The following WWOX variants were observed in gnomAD, a reference collection of about 807,000 sequenced individuals.
WWOX encodes WW domain containing oxidoreductase.
WWOX carries 69 observed loss-of-function variants against 46.2 expected under a neutral mutation model. That is an observed-to-expected ratio of 1.49 (90% CI 1.23 to 1.82). The LOEUF is 1.82. Ranked by LOEUF, WWOX falls within the 40% of genes most tolerant of loss-of-function variation. The pLI is 0.00. For synonymous variants in WWOX, 359 were observed against 202.6 expected (o/e 1.77, Z -6.56); for missense variants, 919 against 542.6 (o/e 1.69, Z -6.89).
At chr16:78,590,719 G>C (rs541320864) in intron 8 of WWOX, among the ~76,000 whole-genome samples, 1 of 152,178 alleles carries the variant, frequency 6.6e-6, no homozygotes, top group African/African-American at 2.4e-5. Context: ...CGTTGTTGAC[G>C]TGAAGGAGTT....
intron 5 of WWOX, among the ~76,000 whole-genome samples, chr16:78,376,985 G>A (rs1332823176): frequency 6.6e-6 from 1 of 152,198 alleles, no homozygotes; most frequent in African/African-American, 2.4e-5. Context: ...CTTGCGACTT[G>A]CGGCAATCAC....
At chr16:78,975,214 G>T (rs985330623) in intron 8 of WWOX, among the ~76,000 whole-genome samples, 6 of 152,160 alleles carry the variant, frequency 3.9e-5, no homozygotes, top group Admixed American at 3.9e-4. Flanking sequence ...GCCTCATCTG[G>T]TTCAAGGGTT....
chr16:78,553,865 C>T (rs1353015929), intron 8 of WWOX, among the ~76,000 whole-genome samples: 1 of 151,930 alleles, frequency 6.6e-6, no homozygotes, highest in East Asian at 1.9e-4. Context: ...GCCCGGAGAG[C>T]TTGGCTGAGG....
chr16:78,916,523 C>T (rs1284051008), intron 8 of WWOX, among the ~76,000 whole-genome samples: 1 of 152,090 alleles, frequency 6.6e-6, no homozygotes. Flanking sequence ...AGTAGAGTGA[C>T]CTTATAATTT....
intron 8 of WWOX, among the ~76,000 whole-genome samples, chr16:78,438,780 C>A (rs1325198737): frequency 3.3e-5 from 5 of 152,120 alleles, no homozygotes; most frequent in Non-Finnish European, 5.9e-5. Flanking sequence ...AGCCAGTCAT[C>A]GTGCTGAGTT....
intron 8 of WWOX, among the ~76,000 whole-genome samples, chr16:79,076,109 T>C (rs1036205263): frequency 1.3e-5 from 2 of 152,224 alleles, no homozygotes; most frequent in Non-Finnish European, 2.9e-5. Flanking sequence ...TGCCGAGATT[T>C]GTAAGAGTAA....
intron 8 of WWOX, among the ~76,000 whole-genome samples, chr16:78,611,156 G>T (rs573111978): frequency 5.3e-4 from 80 of 152,226 alleles, no homozygotes; most frequent in African/African-American, 1.8e-3. Flanking sequence ...TTATTGAAAC[G>T]ACTGAAATAG....
At chr16:78,946,437 C>G (rs2045950024) in intron 8 of WWOX, among the ~76,000 whole-genome samples, 1 of 152,274 alleles carries the variant, frequency 6.6e-6, no homozygotes, top group South Asian at 2.1e-4. Flanking sequence ...TTGATCTGCT[C>G]ACGTCGGCCT....
chr16:79,101,195 G>A (rs1274855123), intron 8 of WWOX: 3 of 152,218 alleles, frequency 2.0e-5, no homozygotes, highest in African/African-American at 7.2e-5. Flanking sequence ...CTCATGCAAA[G>A]AGAGATCTTT....
At chr16:78,915,216 C>A (rs535033004) in intron 8 of WWOX, among the ~76,000 whole-genome samples, 1 of 152,280 alleles carries the variant, frequency 6.6e-6, no homozygotes, top group African/African-American at 2.4e-5. Flanking sequence ...GATCATGATT[C>A]ATTTGGGTTG....
rs377361766 is a variant in WWOX at position 79,173,117 on chromosome 16, T to C, written c.1057-38491T>C. Among the ~76,000 whole-genome samples the C allele has an allele frequency of 3.9e-5, 6 of 152,328 alleles. No individual in the cohort carries two copies. In the East Asian group the frequency reaches 9.7e-4, roughly 25 times the overall value. On this transcript the variant is annotated intron_variant, in intron 8 of 8. Coordinates refer to ENST00000566780, the MANE Select transcript of WWOX (RefSeq NM_016373.4). ...AGAATCTTTCCCAACATAAAATCCA[T>C]TGTTAATCACATTTGACACACATGT... is the stretch of plus-strand genomic sequence containing the variant.
chr16:78,704,248 A>T (rs1597466894), intron 8 of WWOX, among the ~76,000 whole-genome samples: 1 of 152,096 alleles, frequency 6.6e-6, no homozygotes, highest in East Asian at 1.9e-4. Flanking sequence ...TTAGCATTTG[A>T]TGATCTCAAC....
intron 8 of WWOX, among the ~76,000 whole-genome samples, chr16:78,559,436 A>G (rs1373724791): frequency 6.6e-6 from 1 of 152,226 alleles, no homozygotes; most frequent in Non-Finnish European, 1.5e-5. Flanking sequence ...ATCAAATTCT[A>G]GCATGAGACT....
chr16:78,658,499 G>T (rs2047132391), intron 8 of WWOX, among the ~76,000 whole-genome samples: 1 of 152,076 alleles, frequency 6.6e-6, no homozygotes, highest in African/African-American at 2.4e-5. Flanking sequence ...AGTTTTGGAG[G>T]CCAGACACCT....
At chr16:79,066,554 C>T (rs1233530443) in intron 8 of WWOX, among the ~76,000 whole-genome samples, 1 of 152,294 alleles carries the variant, frequency 6.6e-6, no homozygotes, top group East Asian at 1.9e-4. Flanking sequence ...TTCCAGGAAG[C>T]CTCATTGGAT....
At position 78,981,128 on chromosome 16, in the gene WWOX, G is replaced by A. The variant is rs1182924962; in HGVS notation, c.1057-230480G>A. Among the ~76,000 whole-genome samples, 9 of 152,302 alleles carry A rather than the reference G, an allele frequency of 5.9e-5. No homozygotes were observed. In the East Asian group the frequency reaches 1.7e-3, roughly 29 times the overall value. On this transcript the variant is annotated intron_variant, in intron 8 of 8. Transcript: ENST00000566780. ...TCCCATGCCTTGGTGTTGAACCAGT[G>A]TCCTAGCTGGGAGGACCGTTGTACT... is the stretch of plus-strand genomic sequence containing the variant.
intron 5 of WWOX, among the ~76,000 whole-genome samples, chr16:78,204,928 C>G (rs1468199328): frequency 6.6e-6 from 1 of 152,168 alleles, no homozygotes; most frequent in Non-Finnish European, 1.5e-5. Flanking sequence ...ATTTTAAATT[C>G]TAGATTCTTG....
At chr16:78,740,885 C>T (rs1294561545) in intron 8 of WWOX, among the ~76,000 whole-genome samples, 1 of 152,140 alleles carries the variant, frequency 6.6e-6, no homozygotes, top group African/African-American at 2.4e-5. Context: ...TTTGTCTACT[C>T]ACCAGCCCCC....
At chr16:78,514,301 A>G (rs774208927) in intron 8 of WWOX, among the ~76,000 whole-genome samples, 33 of 152,222 alleles carry the variant, frequency 2.2e-4, no homozygotes, top group Non-Finnish European at 4.1e-4. Context: ...AAGCACATTA[A>G]TTATGTGCAA....
Sources: gnomAD v4.1 joint callset for allele counts (sites outside exome capture counted in the v4.1 genomes callset) on GRCh38, gnomAD v4.1.1 for gene constraint, MANE v1.5 for transcripts, NCBI Gene and HGNC (gene_info 2026-07-23, HGNC 2026-07-21) for gene names.